The following RTEL1 variants were observed in gnomAD, a reference collection of about 807,000 sequenced individuals.
RTEL1 encodes regulator of telomere elongation helicase 1, also known as regulator of telomere length.
Under a neutral mutation model 162.2 loss-of-function variants are expected in RTEL1, and 86 were observed. The observed-to-expected ratio is 0.53, with a 90% confidence interval of 0.45 to 0.63. The LOEUF (loss-of-function observed/expected upper bound fraction) is 0.63, where lower values mean the gene tolerates loss of function less well. RTEL1 is among the 30% of genes least tolerant of loss of function. The pLI is 0.00. For missense variants in RTEL1, 1,941 were observed against 1,750.2 expected (o/e 1.11, Z -1.95); for synonymous variants, 958 against 717.9 (o/e 1.33, Z -5.35).
chr20:63,669,190 G>A (rs2090198601), intron 8 of RTEL1, among the ~76,000 whole-genome samples: 3 of 152,200 alleles, frequency 2.0e-5, no homozygotes, highest in Admixed American at 2.0e-4. Flanking sequence ...TTAATTGAGA[G>A]AGGAAATGAA....
Position 63,662,853 on chromosome 20 carries a change from G to A in RTEL1, c.502G>A (p.Ala168Thr), listed in dbSNP as rs762279135. The A allele has an allele frequency of 5.6e-6, 9 of 1,614,002 alleles. No individual in the cohort carries two copies. In the South Asian group the frequency reaches 7.7e-5, roughly 14 times the overall value. Residue 168 changes from alanine to threonine, a missense_variant, in exon 6 of 35, where the codon GCA (alanine) becomes ACA (threonine). Ala to Thr is a moderately conservative substitution (Grantham distance 58). Transcript: ENST00000360203. ...LQIHLCRKKVASRSCHFYNNV... is the reference protein window; with the variant it reads ...LQIHLCRKKVTSRSCHFYNNV... ...GATCCACTTGTGCCGTAAGAAGGTG[G>A]CAAGTCGCTCCTGTCATTTCTACAA...
rs118188806 is a variant in RTEL1, at chr20:63,690,026, C to T, written c.2142-61C>T. The T allele has an allele frequency of 1.6e-4, 253 of 1,584,812 alleles. 1 individual carries two copies. In the East Asian group the frequency reaches 3.8e-3, roughly 24 times the overall value. Reference sequence around the variant, plus strand: ...CTGCAGCAGATGAGGGTCTTCACTTCGGTGAACTGAACCCTTGAAGCGGCT... The same window carrying T: ...CTGCAGCAGATGAGGGTCTTCACTTTGGTGAACTGAACCCTTGAAGCGGCT... On this transcript the variant is annotated intron_variant, in intron 24 of 34. Transcript: ENST00000360203.
Position 63,668,093 on chromosome 20 carries a change from G to A in RTEL1, c.699+540G>A, listed in dbSNP as rs952400615. Among the ~76,000 whole-genome samples, 18 of 139,466 alleles carry A rather than the reference G, an allele frequency of 1.3e-4. No homozygotes were observed. Among genetic ancestry groups the A allele is most frequent in the African/African-American group, 3.8e-4 (14 of 36,536 alleles). The allele number at this position is 139,466 out of a possible 152,430, so 91.5% of individuals were successfully genotyped here. Reference sequence around the variant, plus strand: ...CCAGCCCCACTCCCTTCCGCCCCGTGTGCCCAGCCCCACGCTCACTCCCCC... The same window carrying A: ...CCAGCCCCACTCCCTTCCGCCCCGTATGCCCAGCCCCACGCTCACTCCCCC... On this transcript the variant is annotated intron_variant, in intron 8 of 34. Transcript: ENST00000360203. This position sits in a 1 kb window ranked among gnomAD's most constrained non-coding sequence, Gnocchi z 4.3.
chr20:63,684,580 C>T (rs995104254), intron 14 of RTEL1, among the ~76,000 whole-genome samples: 14 of 152,174 alleles, frequency 9.2e-5, no homozygotes, highest in Admixed American at 2.6e-4. Context: ...GTCTCGATCT[C>T]CTGACCTCGT....
rs1466072548 is a variant in RTEL1, at chr20:63,674,010, T to C, written c.836T>C (p.Ile279Thr). ...PHDLASGLDV[I>T]DQVLEEQTKA... Reference sequence around the variant, plus strand: ...GACCTGGCTTCAGGACTGGACGTCATAGACCAGGTGCTGGAGGAGCAGACC... The same window carrying C: ...GACCTGGCTTCAGGACTGGACGTCACAGACCAGGTGCTGGAGGAGCAGACC... The change falls in exon 10 of 35, where the codon ATA becomes ACA. Residue 279 changes from isoleucine (I) to threonine (T), a missense_variant. Transcript: ENST00000360203. 6.2e-7 allele frequency: 1 copy of C among 1,614,018 alleles called. No homozygotes were observed. Among genetic ancestry groups the C allele is most frequent in the Non-Finnish European group, 8.5e-7 (1 of 1,180,042 alleles).
chr20:63,687,458 C>A, intron 16 of RTEL1, 180 bp from the exon 17 acceptor site: 1 of 701,956 alleles, frequency 1.4e-6, no homozygotes. Flanking sequence ...CCCAAGCTGG[C>A]AGGCTCACAC....
intron 22 of RTEL1, among the ~76,000 whole-genome samples, 159 bp from the exon 23 acceptor site, chr20:63,689,343 C>G (rs1178438485): frequency 6.6e-6 from 1 of 152,158 alleles, no homozygotes; most frequent in Non-Finnish European, 1.5e-5. Context: ...GAGGTGGCGT[C>G]TGGGAGCTGT....
chr20:63,694,846 G>A lies in RTEL1; in HGVS notation c.3215G>A (p.Gly1072Glu). 1 of 1,612,618 alleles carries A rather than the reference G, an allele frequency of 6.2e-7. No individual in the cohort carries two copies. Residue 1072 changes from glycine to glutamate, a missense_variant, in exon 32 of 35, where the codon GGG becomes GAG. Coordinates refer to ENST00000360203, the MANE Select transcript of RTEL1 (RefSeq NM_001283009.2). The part of the protein sequence containing the change: ...AYLADARRAL[G>E]SAGCSQLLAA... ...CTGGCTGATGCCCGCAGGGCCCTGGGGTCCGCGGGCTGTAGCCAACTCTTG... is the reference window on the plus strand; with the variant it reads ...CTGGCTGATGCCCGCAGGGCCCTGGAGTCCGCGGGCTGTAGCCAACTCTTG...
rs142442780 is a variant in RTEL1 at position 63,695,395 on chromosome 20, A to C, written c.3567A>C (p.Pro1189=). ...TCTCGTCCTTCCTTAGACAGAGGCC[A>C]GCAGGGACTGTGGGGGCGGGCGGTG... ...SKISSFLRQR[P]AGTVGAGGED... The change falls in exon 34 of 35, where the codon CCA becomes CCC. Residue 1189 remains proline (P), a synonymous_variant. Transcript: ENST00000360203. The C allele has an allele frequency of 6.4e-7, 1 of 1,557,914 alleles. No homozygotes were observed. The highest frequency in any genetic ancestry group is 8.7e-7 in the Non-Finnish European group (1 of 1,151,300).
Position 63,685,774 on chromosome 20 carries a change from GGTCC to G in RTEL1, c.1267-16_1267-13del, listed in dbSNP as rs759497884. 2 of 1,610,128 alleles carry G rather than the reference GGTCC, an allele frequency of 1.2e-6. No individual in the cohort carries two copies. The highest frequency in any genetic ancestry group is 2.2e-5 in the South Asian group (2 of 90,492). On this transcript the variant is annotated splice_polypyrimidine_tract_variant and intron_variant, in intron 15 of 34. Coordinates refer to ENST00000360203, the MANE Select transcript of RTEL1 (RefSeq NM_001283009.2). ...ACATGGGCGGGGCCTCCACACTCCT[GGTCC>G]TGTCCCCTCCAGGTGCACATCCATC...
chr20:63,679,957 G>A lies in RTEL1; in HGVS notation c.1135+11G>A. ...AGCACCTGGCAGGACGTGAGTGCTG[G>A]CACGGGGTCTTTGGTGCGGGCAAAT... On this transcript the variant is annotated intron_variant, in intron 13 of 34. Coordinates refer to ENST00000360203, the MANE Select transcript of RTEL1 (RefSeq NM_001283009.2). 4 of 1,599,094 alleles carry A rather than the reference G, an allele frequency of 2.5e-6. No homozygotes were observed. The highest frequency in any genetic ancestry group is 3.4e-6 in the Non-Finnish European group (4 of 1,169,536).
chr20:63,690,495 T>TGGGGGGGGGGGGTGGGGGGGGGGGG, intron 26 of RTEL1, 54 bp downstream of exon 26: 2 of 594,924 alleles, frequency 3.4e-6, no homozygotes, highest in Non-Finnish European at 5.4e-6. Context: ...GCGGGCGGCG[T>TGGGGGGGGGGGGTGGGGGGGGGGGG]GGGGCGGGCA....
rs751556322 is a variant in RTEL1 at position 63,668,944 on chromosome 20, A to G, written c.699+1391A>G. 1.3e-5 allele frequency among the ~76,000 whole-genome samples: 2 copies of G among 152,150 alleles called. No homozygotes were observed. Among genetic ancestry groups the G allele is most frequent in the African/African-American group, 4.8e-5 (2 of 41,426 alleles). On this transcript the variant is annotated intron_variant, in intron 8 of 34. Transcript: ENST00000360203. This position sits in a 1 kb window ranked among gnomAD's most constrained non-coding sequence, Gnocchi z 4.3. Reference sequence around the variant, plus strand: ...CAGCTCAGGCACAGGCCTGCAGGCCATGGAGAAGGCAGCAAGCTCAAGCTG... The same window carrying G: ...CAGCTCAGGCACAGGCCTGCAGGCCGTGGAGAAGGCAGCAAGCTCAAGCTG...
intron 12 of RTEL1, among the ~76,000 whole-genome samples, chr20:63,679,085 G>A (rs369338446): frequency 2.0e-5 from 3 of 152,160 alleles, no homozygotes; most frequent in Non-Finnish European, 4.4e-5. Context: ...TTTGGACTCC[G>A]GGAGGCCTGG....
chr20:63,676,793 G>T (rs752066353), intron 10 of RTEL1, among the ~76,000 whole-genome samples: 1 of 152,186 alleles, frequency 6.6e-6, no homozygotes, highest in Non-Finnish European at 1.5e-5. Flanking sequence ...AAATTAGCCA[G>T]GTGTGGTGGT....
Position 63,659,408 on chromosome 20 carries a change from C to T in RTEL1, c.6C>T (p.Pro2=). 1 of 1,613,592 alleles carries T rather than the reference C, an allele frequency of 6.2e-7. No homozygotes were observed. Among genetic ancestry groups the T allele is most frequent in the Non-Finnish European group, 8.5e-7 (1 of 1,179,488 alleles). The change falls in exon 2 of 35, where the codon CCC becomes CCT. Residue 2 remains proline, a synonymous_variant. Transcript: ENST00000360203. M[P]KIVLNGVTVD... is the part of the protein sequence containing the mutation. ...CCTTCTGAGAACAGGCTGATATGCC[C>T]AAGATAGTCCTGAATGGTGTGACCG... is the stretch of plus-strand genomic sequence containing the variant.
intron 32 of RTEL1, 27 bp from the exon 33 acceptor site, chr20:63,695,039 G>A (rs1229036720): frequency 1.2e-6 from 2 of 1,610,478 alleles, no homozygotes; most frequent in East Asian, 2.2e-5. Flanking sequence ...TGGGGGCTGT[G>A]CCGGGTCTGA....
chr20:63,672,518 T>C (rs772695037), intron 8 of RTEL1, 38 bp from the exon 9 acceptor site: 272 of 1,510,868 alleles, frequency 1.8e-4, no homozygotes, highest in Middle Eastern at 7.2e-4. Flanking sequence ...CCGGCCTCTG[T>C]GAGCTCCAGC....
At position 63,696,049 on chromosome 20, in the gene RTEL1, G is replaced by T; in HGVS notation, c.*191G>T. 1 of 604,324 alleles carries T rather than the reference G, an allele frequency of 1.7e-6. No homozygotes were observed. The allele number at this position is 604,324 out of a possible 1,614,324, so 37.4% of individuals were successfully genotyped here. On this transcript the variant is annotated 3_prime_UTR_variant, in exon 35 of 35. Coordinates refer to ENST00000360203, the MANE Select transcript of RTEL1 (RefSeq NM_001283009.2). ...CCGGATCTGGGCCTGCCTCTGAGAA[G>T]CCCTGAGCTACCTTGGGGTCTGGGG...
Sources: gnomAD v4.1 joint callset for allele counts (sites outside exome capture counted in the v4.1 genomes callset) on GRCh38, gnomAD v4.1.1 for gene constraint, Gnocchi (gnomAD v3.1) non-coding constraint, MANE v1.5 for transcripts, NCBI Gene and HGNC (gene_info 2026-07-23, HGNC 2026-07-21) for gene names.